Variants in GRIA1 observed in about 807,000 individuals in gnomAD.
GRIA1 encodes the protein glutamate receptor 1.
GRIA1 carries 31 observed loss-of-function variants against 99.2 expected under a neutral mutation model. The observed-to-expected ratio is 0.31, with a 90% confidence interval of 0.23 to 0.42. The LOEUF (loss-of-function observed/expected upper bound fraction) is 0.42, where lower values mean the gene tolerates loss of function less well. Ranked by LOEUF, GRIA1 falls within the 10% of genes least tolerant of loss-of-function variation. The pLI is 1.00. For missense variants in GRIA1, 782 were observed against 1,157.5 expected, an observed-to-expected ratio of 0.68 and a Z score of 4.71; for synonymous variants, 438 against 432.4, an observed-to-expected ratio of 1.01 and a Z score of -0.16.
intron 14 of GRIA1, among the ~76,000 whole-genome samples, chr5:153,797,583 C>G (rs1765727371): frequency 6.6e-6 from 1 of 152,220 alleles, no homozygotes; most frequent in Non-Finnish European, 1.5e-5. Flanking sequence ...TACACTCAGA[C>G]TGATGCTTCT....
chr5:153,505,277 T>C (rs1267557018), intron 2 of GRIA1, among the ~76,000 whole-genome samples: 2 of 152,250 alleles, frequency 1.3e-5, no homozygotes, highest in African/African-American at 4.8e-5. Flanking sequence ...GTTTATTCAA[T>C]AATTGATATT....
intron 4 of GRIA1, among the ~76,000 whole-genome samples, chr5:153,652,836 G>A (rs1371836824): frequency 2.0e-5 from 3 of 152,154 alleles, no homozygotes; most frequent in Admixed American, 6.5e-5. Context: ...ATGAATGACA[G>A]TAATGAGCCT....
chr5:153,499,912 T>C (rs1362451792), intron 2 of GRIA1, among the ~76,000 whole-genome samples: 4 of 152,180 alleles, frequency 2.6e-5, no homozygotes, highest in Non-Finnish European at 5.9e-5. Flanking sequence ...CTGCATATGC[T>C]TGTTACCATG....
chr5:153,665,774 A>G (rs1315915467), intron 5 of GRIA1, among the ~76,000 whole-genome samples: 1 of 152,240 alleles, frequency 6.6e-6, no homozygotes, highest in Non-Finnish European at 1.5e-5. Context: ...GAGAACTCTC[A>G]TATATAAAAC....
intron 1 of GRIA1, 149 bp downstream of exon 1, chr5:153,491,119 T>A: frequency 3.0e-6 from 3 of 1,014,292 alleles, no homozygotes; most frequent in Middle Eastern, 6.4e-4. Context: ...GACTTGGGCT[T>A]ACAGCCAGAG....
At chr5:153,608,796 T>G (rs941024323) in intron 2 of GRIA1, among the ~76,000 whole-genome samples, 15 of 151,348 alleles carry the variant, frequency 9.9e-5, no homozygotes, top group African/African-American at 2.4e-4. Context: ...TGTATAACAG[T>G]TTTTTTTTAC....
chr5:153,775,768 A>AG (rs1554126714), intron 13 of GRIA1, among the ~76,000 whole-genome samples: 1 of 148,842 alleles, frequency 6.7e-6, no homozygotes, highest in South Asian at 2.1e-4. Flanking sequence ...AAAAAAAAAA[A>AG]GGAGGAGAGT....
In GRIA1 at chr5:153,614,161, G is replaced by A. The variant is rs142128967; in HGVS notation, c.221-32767G>A. ...ATCACACACCATACCACCCTCTCCT[G>A]ACTTTCCACCCTTTCTCTTCTGACA... On this transcript the variant is annotated intron_variant, in intron 2 of 15. Coordinates refer to ENST00000285900, the MANE Select transcript of GRIA1 (RefSeq NM_000827.4). Among the ~76,000 whole-genome samples, 351 of 152,212 alleles carry A rather than the reference G, an allele frequency of 2.3e-3. 4 individuals carry two copies. The highest frequency in any genetic ancestry group is 8.3e-3 in the African/African-American group (346 of 41,530).
chr5:153,516,423 C>T (rs548508679), intron 2 of GRIA1, among the ~76,000 whole-genome samples: 1 of 151,614 alleles, frequency 6.6e-6, no homozygotes, highest in Admixed American at 6.6e-5. Context: ...CCACAGCACC[C>T]TTTGGGGGAA....
intron 2 of GRIA1, among the ~76,000 whole-genome samples, chr5:153,637,464 G>A (rs191642690): frequency 3.3e-5 from 5 of 152,264 alleles, no homozygotes; most frequent in South Asian, 4.2e-4. Flanking sequence ...CAGCATACAC[G>A]TTGAGTCACT....
intron 2 of GRIA1, among the ~76,000 whole-genome samples, chr5:153,643,402 T>C (rs1753914211): frequency 6.6e-6 from 1 of 152,226 alleles, no homozygotes; most frequent in African/African-American, 2.4e-5. Flanking sequence ...TAGTACTTTG[T>C]CTACAGAACC....
At chr5:153,641,168 C>T (rs958590188) in intron 2 of GRIA1, among the ~76,000 whole-genome samples, 5 of 152,050 alleles carry the variant, frequency 3.3e-5, no homozygotes, top group African/African-American at 1.2e-4. Context: ...TTTTGATCTC[C>T]CTCCCCTAAA....
chr5:153,758,229 C>T (rs774769047), intron 11 of GRIA1, among the ~76,000 whole-genome samples: 1 of 151,890 alleles, frequency 6.6e-6, no homozygotes, highest in Non-Finnish European at 1.5e-5. Context: ...AATGTAATTG[C>T]TTAAATTATC....
intron 13 of GRIA1, among the ~76,000 whole-genome samples, chr5:153,781,856 G>C (rs530832986): frequency 2.0e-5 from 3 of 152,222 alleles, no homozygotes; most frequent in Admixed American, 2.0e-4. Context: ...ACTCTTAAGG[G>C]AAACAAGGAT....
intron 8 of GRIA1, among the ~76,000 whole-genome samples, chr5:153,687,568 T>G (rs575803070): frequency 6.6e-6 from 1 of 152,324 alleles, no homozygotes; most frequent in East Asian, 1.9e-4. Flanking sequence ...TTAGGTTGAA[T>G]TTTAAATAAA....
intron 11 of GRIA1, among the ~76,000 whole-genome samples, chr5:153,726,566 C>G (rs1205126626): frequency 6.6e-6 from 1 of 152,026 alleles, no homozygotes; most frequent in East Asian, 1.9e-4. Flanking sequence ...GATATCACCA[C>G]CAATCCCACA....
rs994519268 is a variant in GRIA1 at position 153,645,975 on chromosome 5, T to C, written c.221-953T>C. Among the ~76,000 whole-genome samples, 6 of 152,310 alleles carry C rather than the reference T, an allele frequency of 3.9e-5. No homozygotes were observed. In the East Asian group the frequency reaches 1.2e-3, roughly 29 times the overall value. ...AATTTTTAGGCATTGAAGATGGCCT[T>C]GGGGTTGGTCTCACTGGGGCAAAGA... On this transcript the variant is annotated intron_variant, in intron 2 of 15. Transcript: ENST00000285900.
At chr5:153,737,119 G>A (rs918707271) in intron 11 of GRIA1, among the ~76,000 whole-genome samples, 2 of 152,014 alleles carry the variant, frequency 1.3e-5, no homozygotes, top group Admixed American at 6.5e-5. Flanking sequence ...GGTGGATGGG[G>A]AATGTGGTGA....
At chr5:153,596,376 A>C (rs916838807) in intron 2 of GRIA1, among the ~76,000 whole-genome samples, 1 of 152,180 alleles carries the variant, frequency 6.6e-6, no homozygotes, top group Non-Finnish European at 1.5e-5. Flanking sequence ...AAATCCAACA[A>C]ACAATTCCAT....
Sources: gnomAD v4.1 joint callset for allele counts (sites outside exome capture counted in the v4.1 genomes callset) on GRCh38, gnomAD v4.1.1 for gene constraint, MANE v1.5 for transcripts, NCBI Gene and HGNC (gene_info 2026-07-23, HGNC 2026-07-21) for gene names.